The following LAMA2 variants were observed in gnomAD, a reference collection of about 807,000 sequenced individuals.
The protein encoded by LAMA2 is laminin subunit alpha 2.
In LAMA2, 269 loss-of-function variants were observed where a neutral mutation model predicts 364.8. That is an observed-to-expected ratio of 0.74 (90% CI 0.67 to 0.82). LAMA2 has a LOEUF of 0.82. Ranked by LOEUF, LAMA2 falls within the 40% of genes least tolerant of loss-of-function variation. The pLI, the probability that LAMA2 is intolerant of heterozygous loss-of-function variation, is 0.00. For synonymous variants in LAMA2, 1,379 were observed against 1,370.6 expected, an observed-to-expected ratio of 1.01 and a Z score of -0.14; for missense variants, 3,807 against 3,873.2, an observed-to-expected ratio of 0.98 and a Z score of 0.45.
intron 4 of LAMA2, among the ~76,000 whole-genome samples, chr6:129,127,488 C>A (rs1777185002): frequency 6.6e-6 from 1 of 152,142 alleles, no homozygotes; most frequent in Non-Finnish European, 1.5e-5. Context: ...CATGGGAGTG[C>A]AGATATCTTT....
chr6:129,093,500 T>C (rs1166857616), intron 3 of LAMA2, among the ~76,000 whole-genome samples: 3 of 152,100 alleles, frequency 2.0e-5, no homozygotes, highest in African/African-American at 7.2e-5. Flanking sequence ...CAAATATCAT[T>C]TTATCTTAGC....
chr6:129,158,099 A>T, intron 8 of LAMA2: 30 of 1,612,240 alleles, frequency 1.9e-5, no homozygotes, highest in Non-Finnish European at 2.5e-5. Context: ...GGTGGCACAG[A>T]CCACAGGCAG....
intron 45 of LAMA2, among the ~76,000 whole-genome samples, chr6:129,446,620 A>T (rs558491509): frequency 6.7e-6 from 1 of 149,380 alleles, no homozygotes; most frequent in African/African-American, 2.5e-5. Context: ...TCTTGTTTGA[A>T]CAAGAAAGGC....
At chr6:129,011,259 C>T (rs569364109) in intron 1 of LAMA2, among the ~76,000 whole-genome samples, 1 of 152,304 alleles carries the variant, frequency 6.6e-6, no homozygotes, top group East Asian at 1.9e-4. Context: ...GCTACTAAGA[C>T]ACACAGGAGT....
At chr6:128,935,038 T>C (rs2114525653) in intron 1 of LAMA2, among the ~76,000 whole-genome samples, 1 of 152,302 alleles carries the variant, frequency 6.6e-6, no homozygotes, top group Non-Finnish European at 1.5e-5. Context: ...CGTATATATT[T>C]CATTATTTTT....
chr6:129,505,273 A>G lies in LAMA2; in HGVS notation c.8621A>G (p.Lys2874Arg). ...DGASNRTISP[K>R]KADILDVVGM... ...GCTTCCAACAGAACCATCAGTCCCAAAAAAGCCGACATCCTGGATGTCGTG... is the reference window on the plus strand; with the variant it reads ...GCTTCCAACAGAACCATCAGTCCCAGAAAAGCCGACATCCTGGATGTCGTG... The change falls in exon 61 of 65, where the codon AAA becomes AGA. Residue 2874 changes from lysine to arginine, a missense_variant. Transcript: ENST00000421865. The G allele has an allele frequency of 6.2e-7, 1 of 1,613,970 alleles. No homozygotes were observed. The highest frequency in any genetic ancestry group is 2.2e-5 in the East Asian group (1 of 44,864).
At chr6:129,231,717 C>T (rs1332373051) in intron 12 of LAMA2, among the ~76,000 whole-genome samples, 1 of 150,280 alleles carries the variant, frequency 6.7e-6, no homozygotes, top group Non-Finnish European at 1.5e-5. Context: ...TTTCTTTTTA[C>T]ATTGATGATT....
chr6:129,080,158 C>A (rs1773945050), intron 3 of LAMA2, among the ~76,000 whole-genome samples: 1 of 152,052 alleles, frequency 6.6e-6, no homozygotes, highest in Non-Finnish European at 1.5e-5. Flanking sequence ...TCTTATAGAA[C>A]TTTTCAACTC....
chr6:129,156,079 G>C (rs1451836166), intron 8 of LAMA2, among the ~76,000 whole-genome samples: 1 of 151,554 alleles, frequency 6.6e-6, no homozygotes, highest in Non-Finnish European at 1.5e-5. Flanking sequence ...GCTGAGAGTA[G>C]ATTTTAAGTG....
intron 10 of LAMA2, among the ~76,000 whole-genome samples, chr6:129,187,041 A>T (rs985726555): frequency 7.2e-5 from 11 of 151,856 alleles, no homozygotes; most frequent in African/African-American, 2.2e-4. Context: ...TTGATAACAG[A>T]GGAAGTTAAA....
chr6:129,165,735 AT>A (rs768110812), intron 9 of LAMA2, 60 bp downstream of exon 9: 156 of 976,598 alleles, frequency 1.6e-4, no homozygotes, highest in Non-Finnish European at 2.5e-4. Flanking sequence ...GCCAAATATG[AT>A]TATTTTCAGA....
intron 1 of LAMA2, among the ~76,000 whole-genome samples, chr6:128,992,392 A>G (rs2114662655): frequency 6.6e-6 from 1 of 152,282 alleles, no homozygotes; most frequent in South Asian, 2.1e-4. Context: ...TCTCAAGACT[A>G]TCCCTCAAGA....
chr6:129,327,083 A>C (rs1318892916), intron 28 of LAMA2, among the ~76,000 whole-genome samples: 1 of 152,064 alleles, frequency 6.6e-6, no homozygotes, highest in Non-Finnish European at 1.5e-5. Flanking sequence ...TTTGAATACT[A>C]TTCTCAGTTT....
At position 129,309,968 on chromosome 6, in the gene LAMA2, C is replaced by T. The variant is rs918513273; in HGVS notation, c.3175-2893C>T. 2.9e-4 allele frequency among the ~76,000 whole-genome samples: 43 copies of T among 145,874 alleles called. No homozygotes were observed. The East Asian group carries it at 9.4e-3, about 32-fold the overall frequency. On this transcript the variant is annotated intron_variant, in intron 22 of 64. Transcript: ENST00000421865. ...AGGCTGGAGTGCAGTGGCGCGATCT[C>T]GGCTCACTGCAAGCTCCGCCTCCCG...
intron 10 of LAMA2, among the ~76,000 whole-genome samples, chr6:129,183,738 T>C (rs548122587): frequency 6.6e-6 from 1 of 152,084 alleles, no homozygotes; most frequent in Admixed American, 6.6e-5. Context: ...TCAAGTCATA[T>C]CATTCTCATG....
Position 129,149,004 on chromosome 6 carries a change from A to G in LAMA2, c.935A>G (p.Asn312Ser). The change falls in exon 7 of 65, where the codon AAC (asparagine) becomes AGC (serine). Residue 312 changes from asparagine to serine, a missense_variant. Asn to Ser is a conservative substitution (Grantham distance 46, BLOSUM62 1). Around this residue, in one of 3 missense-constraint regions of LAMA2, gnomAD observed 394 missense variants for 403.5 expected, o/e 0.98. Coordinates refer to ENST00000421865, the MANE Select transcript of LAMA2 (RefSeq NM_000426.4). ...TNKSRCECEH[N>S]TCGDSCDQCC... ...AAATCTCGCTGTGAGTGTGAGCATA[A>G]CACATGTGGCGATAGCTGTGATCAG... 6.2e-7 allele frequency: 1 copy of G among 1,613,386 alleles called. No homozygotes were observed. Among genetic ancestry groups the G allele is most frequent in the African/African-American group, 1.3e-5 (1 of 74,980 alleles).
In LAMA2 at chr6:129,260,763, A is replaced by T; in HGVS notation, c.2149A>T (p.Ile717Phe). ...TGTCTCCTATCCTACTGATGGAAGC[A>T]TTGCAGCAGCTGTAGAAGTGTGTCA... The part of the protein sequence containing the change: ...SAVSYPTDGS[I>F]AAAVEVCQCP... The change falls in exon 15 of 65, where the codon ATT becomes TTT. Residue 717 changes from isoleucine (I) to phenylalanine (F), a missense_variant. Ile to Phe is a conservative substitution (Grantham distance 21). Transcript: ENST00000421865. 6.2e-7 allele frequency: 1 copy of T among 1,612,972 alleles called. No homozygotes were observed. The highest frequency in any genetic ancestry group is 1.1e-5 in the South Asian group (1 of 91,058).
At chr6:129,417,658 C>A (rs1780868586) in intron 40 of LAMA2, among the ~76,000 whole-genome samples, 1 of 152,102 alleles carries the variant, frequency 6.6e-6, no homozygotes, top group South Asian at 2.1e-4. Context: ...ACGGCGCCCA[C>A]TGGCACCCAG....
chr6:129,282,500 C>T (rs900743473), intron 18 of LAMA2, among the ~76,000 whole-genome samples: 1 of 152,102 alleles, frequency 6.6e-6, no homozygotes, highest in African/African-American at 2.4e-5. Context: ...TTCTATTAAG[C>T]TTACCTAGTA....
Sources: allele counts gnomAD v4.1 joint callset (sites outside exome capture counted in the v4.1 genomes callset), GRCh38; gene constraint gnomAD v4.1.1; regional missense constraint gnomAD v4.1.1; transcripts MANE v1.5; gene names NCBI Gene and HGNC (gene_info 2026-07-23, HGNC 2026-07-21).